CHD9: variants seen among roughly 807,000 people sequenced by gnomAD.
The protein encoded by CHD9 is chromodomain helicase DNA binding protein 9, also known as ATP-dependent chromatin remodeler CHD9.
Under a neutral mutation model 316.1 loss-of-function variants are expected in CHD9, and 77 were observed. That is an observed-to-expected ratio of 0.24 (90% CI 0.20 to 0.29). The LOEUF is 0.29. Among genes scored for constraint, CHD9 ranks in the 10% least tolerant of loss-of-function variants. CHD9 has a pLI of 1.00. For synonymous variants in CHD9, 1,129 were observed against 1,158.3 expected (o/e 0.97, Z 0.51); for missense variants, 2,763 against 3,438.1 (o/e 0.80, Z 4.91).
intron 1 of CHD9, among the ~76,000 whole-genome samples, chr16:53,118,103 A>G (rs1358830413): frequency 6.6e-6 from 1 of 152,188 alleles, no homozygotes; most frequent in Non-Finnish European, 1.5e-5. Context: ...CTAGGATTAC[A>G]GGCATGAGCC....
At position 53,247,384 on chromosome 16, in the gene CHD9, T is replaced by C. The variant is rs755416070; in HGVS notation, c.3546T>C (p.Gly1182=). 6.2e-7 allele frequency: 1 copy of C among 1,608,486 alleles called. No individual in the cohort carries two copies. Among genetic ancestry groups the C allele is most frequent in the African/African-American group, 1.3e-5 (1 of 75,034 alleles). ...TTCAAGCAATGATCCAGTCTGCTGG[T>C]AAATTGGTCCTTATTGATAAATTGC... is the stretch of plus-strand genomic sequence containing the variant. ...FHLQAMIQSA[G]KLVLIDKLLP... The change falls in exon 16 of 39, where the codon GGT becomes GGC. Residue 1182 remains glycine, a synonymous_variant. Transcript: ENST00000447540.
intron 34 of CHD9, chr16:53,311,871 G>A (rs1236641279): frequency 6.6e-6 from 1 of 152,170 alleles, no homozygotes; most frequent in Admixed American, 6.5e-5. Flanking sequence ...TTGATGATTT[G>A]AGATAGCATT....
At chr16:53,161,182 A>G (rs570659356) in intron 2 of CHD9, among the ~76,000 whole-genome samples, 3 of 152,184 alleles carry the variant, frequency 2.0e-5, no homozygotes, top group Non-Finnish European at 4.4e-5. Context: ...TGATTGTGAG[A>G]GTGAAAAAGA....
intron 34 of CHD9, among the ~76,000 whole-genome samples, chr16:53,313,600 C>T (rs2056646981): frequency 6.6e-6 from 1 of 151,968 alleles, no homozygotes; most frequent in African/African-American, 2.4e-5. Context: ...GCCACTATGC[C>T]CGGCCAAAAG....
intron 3 of CHD9, among the ~76,000 whole-genome samples, chr16:53,217,718 T>C (rs889360536): frequency 6.6e-6 from 1 of 152,146 alleles, no homozygotes; most frequent in African/African-American, 2.4e-5. Flanking sequence ...TCATTGTAAA[T>C]AACCCTATTT....
chr16:53,092,726 G>C (rs1055612323), intron 1 of CHD9, among the ~76,000 whole-genome samples: 4 of 152,042 alleles, frequency 2.6e-5, no homozygotes, highest in Admixed American at 6.6e-5. Context: ...TTCCTCATTG[G>C]AAATTTAGAT....
At chr16:53,107,814 C>T (rs1041130641) in intron 1 of CHD9, among the ~76,000 whole-genome samples, 2 of 152,082 alleles carry the variant, frequency 1.3e-5, no homozygotes, top group African/African-American at 4.8e-5. Context: ...GCAGTGAGGA[C>T]GTAGCAATGA....
Position 53,285,660 on chromosome 16 carries a change from G to T in CHD9, c.5032G>T (p.Asp1678Tyr). The T allele has an allele frequency of 6.2e-7, 1 of 1,608,346 alleles. No homozygotes were observed. Among genetic ancestry groups the T allele is most frequent in the Non-Finnish European group, 8.5e-7 (1 of 1,176,962 alleles). The change falls in exon 25 of 39, where the codon GAT becomes TAT. Residue 1678 changes from aspartate to tyrosine, a missense_variant. Coordinates refer to ENST00000447540, the MANE Select transcript of CHD9 (RefSeq NM_001308319.2). ...AGTTCCTGCTGAGTGGTGGGATTTTGATGCTGATAAGTCACTCCTTATTGG... is the reference window on the plus strand; with the variant it reads ...AGTTCCTGCTGAGTGGTGGGATTTTTATGCTGATAAGTCACTCCTTATTGG... ...SEVPAEWWDF[D>Y]ADKSLLIGVF...
At chr16:53,165,709 T>A (rs1436184942) in intron 2 of CHD9, among the ~76,000 whole-genome samples, 1 of 109,044 alleles carries the variant, frequency 9.2e-6, no homozygotes, top group Non-Finnish European at 2.0e-5. Flanking sequence ...TATATAAAAC[T>A]AAAGCAATGC....
chr16:53,218,506 C>T (rs560501618), intron 3 of CHD9, among the ~76,000 whole-genome samples: 3 of 152,136 alleles, frequency 2.0e-5, no homozygotes, highest in African/African-American at 7.2e-5. Flanking sequence ...AATGTTTAAG[C>T]AGCTTAGTCC....
chr16:53,278,875 AT>A (rs2053131381), intron 24 of CHD9, among the ~76,000 whole-genome samples: 3 of 152,164 alleles, frequency 2.0e-5, no homozygotes, highest in Non-Finnish European at 2.9e-5. Context: ...GCTGGAGAGG[AT>A]GTGGAGAAAT....
At chr16:53,170,039 G>GTTTTTTTTTT (rs11434728) in intron 2 of CHD9, among the ~76,000 whole-genome samples, 1 of 145,940 alleles carries the variant, frequency 6.9e-6, no homozygotes, top group Non-Finnish European at 1.5e-5. Flanking sequence ...AGGTTAAGCA[G>GTTTTTTTTTT]TTTTTTTTTG....
At chr16:53,316,683 A>T (rs2056905425) in intron 36 of CHD9, among the ~76,000 whole-genome samples, 1 of 152,212 alleles carries the variant, frequency 6.6e-6, no homozygotes, top group South Asian at 2.1e-4. Context: ...ACTCTATTGT[A>T]GTATTTCTGT....
intron 17 of CHD9, among the ~76,000 whole-genome samples, chr16:53,252,401 T>G (rs185495863): frequency 1.3e-5 from 2 of 152,192 alleles, no homozygotes; most frequent in East Asian, 1.9e-4. Flanking sequence ...AAAAATCAAC[T>G]CAAGATGCAT....
intron 2 of CHD9, among the ~76,000 whole-genome samples, chr16:53,176,888 T>C (rs1255497263): frequency 6.6e-6 from 1 of 152,226 alleles, no homozygotes; most frequent in Non-Finnish European, 1.5e-5. Context: ...TGAGTACTTT[T>C]TATGTGATCA....
chr16:53,287,140 A>AT (rs2153044445), intron 26 of CHD9, among the ~76,000 whole-genome samples: 1 of 152,052 alleles, frequency 6.6e-6, no homozygotes, highest in South Asian at 2.1e-4. Context: ...CTTGTATTTT[A>AT]TTTTTTGTAG....
intron 1 of CHD9, among the ~76,000 whole-genome samples, chr16:53,118,083 T>A (rs2038454648): frequency 6.6e-6 from 1 of 152,126 alleles, no homozygotes; most frequent in African/African-American, 2.4e-5. Context: ...CGCCTCGGCC[T>A]CCCAAAGTGC....
At chr16:53,199,523 G>A (rs112404294) in intron 2 of CHD9, among the ~76,000 whole-genome samples, 3 of 152,236 alleles carry the variant, frequency 2.0e-5, no homozygotes, top group African/African-American at 7.2e-5. Flanking sequence ...GAATAGTGGT[G>A]AAGTTTGGGC....
intron 1 of CHD9, among the ~76,000 whole-genome samples, chr16:53,081,275 G>A (rs1174054127): frequency 6.6e-6 from 1 of 152,186 alleles, no homozygotes; most frequent in Non-Finnish European, 1.5e-5. Context: ...AGATGGGAGG[G>A]ACTTACAGGG....
Sources: gnomAD v4.1 joint callset for allele counts (sites outside exome capture counted in the v4.1 genomes callset) on GRCh38, gnomAD v4.1.1 for gene constraint, MANE v1.5 for transcripts, NCBI Gene and HGNC (gene_info 2026-07-23, HGNC 2026-07-21) for gene names.